WFS1: variants seen among roughly 807,000 people sequenced by gnomAD.
WFS1 encodes the protein wolframin ER transmembrane glycoprotein.
Under a neutral mutation model 68.5 loss-of-function variants are expected in WFS1, and 90 were observed. The observed-to-expected ratio is 1.31, with a 90% confidence interval of 1.11 to 1.56. WFS1 has a LOEUF of 1.56. WFS1 is among the 40% of genes most tolerant of loss of function. The pLI is 0.00. For missense variants in WFS1, 1,767 were observed against 1,232.6 expected (o/e 1.43, Z -6.49); for synonymous variants, 860 against 540.7 (o/e 1.59, Z -8.19).
In WFS1 at chr4:6,302,343, T is replaced by G. The variant is rs966123985; in HGVS notation, c.2548T>G (p.Cys850Gly). 5 of 1,612,696 alleles carry G rather than the reference T, an allele frequency of 3.1e-6. No individual in the cohort carries two copies. The highest frequency in any genetic ancestry group is 1.7e-5 in the Admixed American group (1 of 60,000). ...GCTCAAGGCCATCAGCTGCCTCAAC[T>G]GCATGGCCCAGCTCTCACCCACCAG... ...FELKAISCLN[C>G]MAQLSPTRRH... The change falls in exon 8 of 8, where the codon TGC (cysteine) becomes GGC (glycine). Residue 850 changes from cysteine to glycine, a missense_variant. Coordinates refer to ENST00000226760, the MANE Select transcript of WFS1 (RefSeq NM_006005.3).
At chr4:6,299,035 A>G (rs1284358827) in intron 7 of WFS1, among the ~76,000 whole-genome samples, 1 of 152,232 alleles carries the variant, frequency 6.6e-6, no homozygotes, top group Non-Finnish European at 1.5e-5. Flanking sequence ...GTGTTGGTCC[A>G]GGCCCCTGGC....
chr4:6,292,978 C>A (rs116338822), intron 6 of WFS1, among the ~76,000 whole-genome samples: 24 of 152,302 alleles, frequency 1.6e-4, no homozygotes, highest in African/African-American at 5.5e-4. Context: ...TGGGTGCTTG[C>A]GCTGCTGTTT....
At position 6,295,052 on chromosome 4, in the gene WFS1, A is replaced by G. The variant is rs71524380; in HGVS notation, c.724A>G (p.Ile242Val). Residue 242 changes from isoleucine to valine, a missense_variant, in exon 7 of 8, where the codon ATC becomes GTC. By Grantham distance (29) the Ile-to-Val change is conservative. Coordinates refer to ENST00000226760, the MANE Select transcript of WFS1 (RefSeq NM_006005.3). ...RLVSSESKNYIALDDFVEITK... is the reference protein window; with the variant it reads ...RLVSSESKNYVALDDFVEITK... ...CTCTCATGCTTCAGCCAAGAACTAC[A>G]TCGCGCTGGATGACTTTGTGGAGAT... 3 of 1,613,522 alleles carry G rather than the reference A, an allele frequency of 1.9e-6. No homozygotes were observed. Among genetic ancestry groups the G allele is most frequent in the Non-Finnish European group, 2.5e-6 (3 of 1,179,984 alleles).
intron 3 of WFS1, chr4:6,288,748 G>A (rs952249767): frequency 1.0e-5 from 6 of 589,442 alleles, no homozygotes; most frequent in African/African-American, 1.8e-5. Flanking sequence ...GTCGGAGCCC[G>A]TGTCTCCCTC....
chr4:6,283,875 G>A lies in WFS1; in HGVS notation c.233-3218G>A, dbSNP rs766019597. On this transcript the variant is annotated intron_variant, in intron 2 of 7. Transcript: ENST00000226760. This position sits in a 1 kb window ranked among gnomAD's most constrained non-coding sequence, Gnocchi z 5.0. ...GAGGTCGAGCACACAGAAAACACGT[G>A]TGTTTGATGGTTCTTGGTGGTCCAC... 6.6e-6 allele frequency among the ~76,000 whole-genome samples: 1 copy of A among 152,138 alleles called. No individual in the cohort carries two copies. The highest frequency in any genetic ancestry group is 2.4e-5 in the African/African-American group (1 of 41,424).
rs144993516 is a variant in WFS1 at position 6,301,626 on chromosome 4, C to G, written c.1831C>G (p.Arg611Gly). The change falls in exon 8 of 8, where the codon CGC becomes GGC. Residue 611 changes from arginine to glycine, a missense_variant. Arg to Gly is a moderately radical substitution (Grantham distance 125, BLOSUM62 -2). Coordinates refer to ENST00000226760, the MANE Select transcript of WFS1 (RefSeq NM_006005.3). ...GGTCTGTAGTGTGCCCCTGCTGTTGCGCTGGTGGACCAAGGCCAGCTTCTC... is the reference window on the plus strand; with the variant it reads ...GGTCTGTAGTGTGCCCCTGCTGTTGGGCTGGTGGACCAAGGCCAGCTTCTC... ...VAVCSVPLLL[R>G]WWTKASFSVV... is the part of the protein sequence containing the mutation. The G allele has an allele frequency of 6.2e-7, 1 of 1,614,104 alleles. No individual in the cohort carries two copies. The highest frequency in any genetic ancestry group is 1.1e-5 in the South Asian group (1 of 91,078).
rs1730581583 is a variant in WFS1, at chr4:6,294,873, C to G, written c.713-168C>G. 1.2e-5 allele frequency: 13 copies of G among 1,099,708 alleles called. No individual in the cohort carries two copies. The South Asian group carries it at 1.8e-4, about 15-fold the overall frequency. The allele number at this position is 1,099,708 out of a possible 1,614,324, so 68.1% of individuals were successfully genotyped here. On this transcript the variant is annotated intron_variant, in intron 6 of 7. Coordinates refer to ENST00000226760, the MANE Select transcript of WFS1 (RefSeq NM_006005.3). ...CCTGCCCCCTTCCTCCTCACCCAGCCTGGTCCTCAACCCTCAGGCCGCCCA... is the reference window on the plus strand; with the variant it reads ...CCTGCCCCCTTCCTCCTCACCCAGCGTGGTCCTCAACCCTCAGGCCGCCCA...
chr4:6,293,226 G>A (rs1730518620), intron 6 of WFS1, among the ~76,000 whole-genome samples: 1 of 152,180 alleles, frequency 6.6e-6, no homozygotes, highest in Admixed American at 6.5e-5. Flanking sequence ...GTCCCACAGG[G>A]GTTTGTGATG....
chr4:6,271,774 A>G (rs990362415), intron 1 of WFS1, among the ~76,000 whole-genome samples: 2 of 152,114 alleles, frequency 1.3e-5, no homozygotes, highest in Non-Finnish European at 2.9e-5. Context: ...GCCTGGCTGC[A>G]CGCAGCCCTG....
rs1730865283 is a variant in WFS1 at position 6,300,928 on chromosome 4, C to G, written c.1133C>G (p.Thr378Ser). ...SKAWENFRTL[T>S]DLLLRFEPNL... is the part of the protein sequence containing the mutation. ...GCCTGGGAGAACTTCCGCACCCTCA[C>G]CGACCTGCTGCTGCGCTTCGAGCCC... The change falls in exon 8 of 8, where the codon ACC becomes AGC. Residue 378 changes from threonine (T) to serine (S), a missense_variant. Transcript: ENST00000226760. 1.9e-6 allele frequency: 3 copies of G among 1,614,084 alleles called. No individual in the cohort carries two copies. Among genetic ancestry groups the G allele is most frequent in the African/African-American group, 2.7e-5 (2 of 74,928 alleles).
chr4:6,279,955 T>C (rs1180407582), intron 2 of WFS1, among the ~76,000 whole-genome samples: 4 of 152,228 alleles, frequency 2.6e-5, no homozygotes, highest in Non-Finnish European at 4.4e-5. Flanking sequence ...GTCACTGGGC[T>C]GGAGCCCCAC....
rs10937714 is a variant in WFS1, at chr4:6,277,320, C to T, written c.-5-131C>T. 698,641 of 866,530 alleles carry T rather than the reference C, an allele frequency of 0.81. 282,898 individuals carry two copies. Among genetic ancestry groups the T allele is most frequent in the East Asian group, 0.96 (36,489 of 37,832 alleles). 53.7% of individuals were successfully genotyped at this position (866,530 alleles called of 1,614,324 possible). Reference sequence around the variant, plus strand: ...GGCCCATGGGGACTGTACTGAGTGTCAGCGAGATCCTGTATGGAGTGTCTG... The same window carrying T: ...GGCCCATGGGGACTGTACTGAGTGTTAGCGAGATCCTGTATGGAGTGTCTG... On this transcript the variant is annotated intron_variant, in intron 1 of 7. Transcript: ENST00000226760.
At chr4:6,294,886 C>G in intron 6 of WFS1, 155 bp from the exon 7 acceptor site, 1 of 1,308,616 alleles carries the variant, frequency 7.6e-7, no homozygotes, top group African/African-American at 1.4e-5. Flanking sequence ...GTCCTCAACC[C>G]TCAGGCCGCC....
At position 6,302,160 on chromosome 4, in the gene WFS1, G is replaced by T. The variant is rs376974936; in HGVS notation, c.2365G>T (p.Gly789Cys). ...CATGCCATTCAGCAGCGGCGCTGACGGCTCGCGCAGCCGCGAGGAGGACGA... is the reference window on the plus strand; with the variant it reads ...CATGCCATTCAGCAGCGGCGCTGACTGCTCGCGCAGCCGCGAGGAGGACGA... ...VGMPFSSGAD[G>C]SRSREEDDVT... Residue 789 changes from glycine to cysteine, a missense_variant, in exon 8 of 8, where the codon GGC becomes TGC. Coordinates refer to ENST00000226760, the MANE Select transcript of WFS1 (RefSeq NM_006005.3). 6.2e-7 allele frequency: 1 copy of T among 1,612,804 alleles called. No individual in the cohort carries two copies. Among genetic ancestry groups the T allele is most frequent in the East Asian group, 2.2e-5 (1 of 44,880 alleles).
chr4:6,292,891 T>C (rs1252407964), intron 6 of WFS1, among the ~76,000 whole-genome samples: 2 of 152,158 alleles, frequency 1.3e-5, no homozygotes, highest in Non-Finnish European at 2.9e-5. Flanking sequence ...GGAGCACAGA[T>C]CCCACCTTCC....
chr4:6,289,698 G>A (rs1490771604), intron 4 of WFS1, among the ~76,000 whole-genome samples: 1 of 152,214 alleles, frequency 6.6e-6, no homozygotes, highest in Non-Finnish European at 1.5e-5. Context: ...CCTGCGCAAG[G>A]GAAGTGGCTG....
At chr4:6,290,183 C>T (rs1730422042) in intron 4 of WFS1, among the ~76,000 whole-genome samples, 2 of 152,258 alleles carry the variant, frequency 1.3e-5, no homozygotes, top group Non-Finnish European at 2.9e-5. Context: ...AGGGGATCCA[C>T]CCTCCTTGGC....
intron 4 of WFS1, among the ~76,000 whole-genome samples, chr4:6,289,629 G>C (rs1035896744): frequency 6.6e-6 from 1 of 152,126 alleles, no homozygotes; most frequent in African/African-American, 2.4e-5. Flanking sequence ...CTTTCAAACA[G>C]AGAGGCAGGG....
chr4:6,276,847 C>G (rs532840812), intron 1 of WFS1, among the ~76,000 whole-genome samples: 2 of 152,206 alleles, frequency 1.3e-5, no homozygotes, highest in African/African-American at 4.8e-5. Flanking sequence ...TCGCCTCTGT[C>G]CAGCTTCTGG....
Sources: allele counts gnomAD v4.1 joint callset (sites outside exome capture counted in the v4.1 genomes callset), GRCh38; gene constraint gnomAD v4.1.1; non-coding constraint Gnocchi (gnomAD v3.1); transcripts MANE v1.5; gene names NCBI Gene and HGNC (gene_info 2026-07-23, HGNC 2026-07-21).